The following OTOP3 variants were observed in gnomAD, a reference collection of about 807,000 sequenced individuals.
OTOP3 encodes the protein otopetrin 3.
Under a neutral mutation model 50.8 loss-of-function variants are expected in OTOP3, and 41 were observed. The ratio of observed to expected loss-of-function variants is 0.81; its 90% CI spans 0.63 to 1.05. The LOEUF is 1.05. Ranked by LOEUF, OTOP3 falls within the 50% of genes least tolerant of loss-of-function variation. The probability of loss-of-function intolerance (pLI) is 0.00; values close to 1 mark genes in which losing one functional copy is unlikely to be tolerated. For missense variants in OTOP3, 788 were observed against 760.8 expected, an observed-to-expected ratio of 1.04 and a Z score of -0.42; for synonymous variants, 320 against 324.4, an observed-to-expected ratio of 0.99 and a Z score of 0.14.
rs754439446 is a variant in OTOP3, at chr17:74,946,847, C to A, written c.938C>A (p.Pro313His). 7 of 1,610,898 alleles carry A rather than the reference C, an allele frequency of 4.3e-6. No individual in the cohort carries two copies. Among genetic ancestry groups the A allele is most frequent in the Non-Finnish European group, 5.9e-6 (7 of 1,180,026 alleles). The change falls in exon 6 of 7, where the codon CCC (proline) becomes CAC (histidine). Residue 313 changes from proline to histidine, a missense_variant. Transcript: ENST00000328801. Reference sequence around the variant, plus strand: ...ATGGGTGCCCACCCTGCCACCGCACCCTTCCACCTGCACGGGGCCATCTTC... The same window carrying A: ...ATGGGTGCCCACCCTGCCACCGCACACTTCCACCTGCACGGGGCCATCTTC... The part of the protein sequence containing the change: ...PHMGAHPATA[P>H]FHLHGAIFGP...
intron 1 of OTOP3, among the ~76,000 whole-genome samples, chr17:74,939,318 T>A (rs1396204611): frequency 1.3e-5 from 2 of 152,092 alleles, no homozygotes; most frequent in Non-Finnish European, 2.9e-5. Context: ...GATGTCACTC[T>A]GAGATTGTGA....
intron 1 of OTOP3, among the ~76,000 whole-genome samples, chr17:74,937,503 T>C (rs1020060923): frequency 6.6e-6 from 1 of 151,952 alleles, no homozygotes; most frequent in Admixed American, 6.6e-5. Flanking sequence ...AGTAGAGCAG[T>C]TACAGTTGGG....
At position 74,941,725 on chromosome 17, in the gene OTOP3, C is replaced by G. The variant is rs1196766803; in HGVS notation, c.352C>G (p.Leu118Val). ...ATLKVLSLLW[L>V]LYYVASTTRR... is the part of the protein sequence containing the mutation. ...GCTGAAGGTCCTCTCCCTGCTTTGG[C>G]TTCTCTACTATGTGGCAAGCACCAC... Residue 118 changes from leucine to valine, a missense_variant, in exon 2 of 7, where the codon CTT becomes GTT. Physicochemically the swap from Leu to Val is conservative, Grantham distance 32. Coordinates refer to ENST00000328801, the MANE Select transcript of OTOP3 (RefSeq NM_001272005.2). 1.2e-6 allele frequency: 2 copies of G among 1,614,072 alleles called. No homozygotes were observed. The highest frequency in any genetic ancestry group is 1.7e-6 in the Non-Finnish European group (2 of 1,180,000).
At chr17:74,943,151 G>A in intron 3 of OTOP3, 135 bp from the exon 4 acceptor site, 1 of 789,586 alleles carries the variant, frequency 1.3e-6, no homozygotes, top group Middle Eastern at 2.8e-4. Context: ...ACAGCAAGAA[G>A]CAGTAGAGCC....
At chr17:74,945,238 G>T (rs770808596) in intron 5 of OTOP3, among the ~76,000 whole-genome samples, 3 of 152,182 alleles carry the variant, frequency 2.0e-5, no homozygotes, top group African/African-American at 7.2e-5. Flanking sequence ...TTATAGGCAT[G>T]AGCCACCATG....
chr17:74,943,216 GC>G (rs1483836194), intron 3 of OTOP3, 69 bp from the exon 4 acceptor site: 22 of 1,357,498 alleles, frequency 1.6e-5, no homozygotes, highest in African/African-American at 2.9e-5. Flanking sequence ...ACACGCATGC[GC>G]CCCAGGAACT....
At chr17:74,941,267 A>C in intron 1 of OTOP3, 126 bp from the exon 2 acceptor site, 1 of 1,022,264 alleles carries the variant, frequency 9.8e-7, no homozygotes, top group Non-Finnish European at 1.3e-6. Context: ...TATTAGTTCC[A>C]ATGTCCCAAC....
chr17:74,948,997 T>C (rs1598609683), intron 6 of OTOP3, among the ~76,000 whole-genome samples: 1 of 152,200 alleles, frequency 6.6e-6, no homozygotes, highest in East Asian at 1.9e-4. Context: ...TCCTGACCCA[T>C]CTGAAGTTCA....
At chr17:74,943,580 T>C in intron 4 of OTOP3, 26 bp from the exon 5 acceptor site, 1 of 1,606,862 alleles carries the variant, frequency 6.2e-7, no homozygotes, top group Non-Finnish European at 8.5e-7. Context: ...CCAGGGTGTG[T>C]GAGAAGAGTG....
In OTOP3 at chr17:74,943,216, G is replaced by A. The variant is rs372356627; in HGVS notation, c.574-70G>A. ...TCTTTCACTGTAAATACACGCATGC[G>A]CCCCAGGAACTCACACTGTGGTCCC... On this transcript the variant is annotated intron_variant, in intron 3 of 6. Coordinates refer to ENST00000328801, the MANE Select transcript of OTOP3 (RefSeq NM_001272005.2). 128 of 1,357,608 alleles carry A rather than the reference G, an allele frequency of 9.4e-5. 1 individual carries two copies. In the South Asian group the frequency reaches 9.9e-4, roughly 11 times the overall value. 84.1% of individuals were successfully genotyped at this position (1,357,608 alleles called of 1,614,324 possible).
rs1239666298 is a variant in OTOP3 at position 74,947,243 on chromosome 17, C to T, written c.1334C>T (p.Ala445Val). ...YSLLLILQHIAQNLFIIEGLH... is the reference protein window; with the variant it reads ...YSLLLILQHIVQNLFIIEGLH... Reference sequence around the variant, plus strand: ...CTGCTGCTCATCCTGCAGCACATCGCTCAGAACCTCTTCATCATCGAGGGC... The same window carrying T: ...CTGCTGCTCATCCTGCAGCACATCGTTCAGAACCTCTTCATCATCGAGGGC... Residue 445 changes from alanine (A) to valine (V), a missense_variant, in exon 6 of 7, where the codon GCT becomes GTT. Ala to Val is a moderately conservative substitution (Grantham distance 64). Coordinates refer to ENST00000328801, the MANE Select transcript of OTOP3 (RefSeq NM_001272005.2). The T allele has an allele frequency of 1.9e-6, 3 of 1,613,972 alleles. No individual in the cohort carries two copies. In the South Asian group the frequency reaches 3.3e-5, roughly 18 times the overall value.
chr17:74,941,334 C>T (rs2039169830), intron 1 of OTOP3, 59 bp from the exon 2 acceptor site: 7 of 1,436,120 alleles, frequency 4.9e-6, no homozygotes, highest in Non-Finnish European at 6.4e-6. Context: ...TTAGGGGCAG[C>T]GTGGACTTGA....
chr17:74,938,327 T>G (rs1033270343), intron 1 of OTOP3, among the ~76,000 whole-genome samples: 1 of 151,922 alleles, frequency 6.6e-6, no homozygotes, highest in African/African-American at 2.4e-5. Flanking sequence ...CTGAAGCTCC[T>G]GAAGCCTGGG....
rs1407940898 is a variant in OTOP3 at position 74,941,571 on chromosome 17, G to A, written c.198G>A (p.Gln66=). Residue 66 remains glutamine (Q), a synonymous_variant, in exon 2 of 7, where the codon CAG becomes CAA. Coordinates refer to ENST00000328801, the MANE Select transcript of OTOP3 (RefSeq NM_001272005.2). The stretch of plus-strand genomic sequence containing the variant: ...TGCTGCGGCGGGACCGGCAGGCCCA[G>A]AAGGCTGGACAACTCTTCTCGGGGC... The part of the protein sequence containing the change: ...SLLLRRDRQA[Q]KAGQLFSGLL... The A allele has an allele frequency of 1.2e-6, 2 of 1,611,688 alleles. No homozygotes were observed. The highest frequency in any genetic ancestry group is 4.5e-5 in the East Asian group (2 of 44,862).
At chr17:74,939,137 G>A (rs1297617667) in intron 1 of OTOP3, among the ~76,000 whole-genome samples, 1 of 152,174 alleles carries the variant, frequency 6.6e-6, no homozygotes, top group African/African-American at 2.4e-5. Context: ...TGGTGCCACT[G>A]CACTCCAGGC....
intron 3 of OTOP3, 135 bp downstream of exon 3, chr17:74,942,172 C>A: frequency 9.2e-7 from 1 of 1,089,668 alleles, no homozygotes; most frequent in Non-Finnish European, 1.3e-6. Flanking sequence ...TTTGCACACA[C>A]ACCACACCCC....
intron 6 of OTOP3, among the ~76,000 whole-genome samples, chr17:74,948,303 C>T (rs1380235118): frequency 6.6e-6 from 1 of 152,102 alleles, no homozygotes; most frequent in Non-Finnish European, 1.5e-5. Context: ...GGAGGAGGAT[C>T]CCTTGAGCCC....
rs768147406 is a variant in OTOP3 at position 74,938,435 on chromosome 17, G to A, written c.19+2495G>A. Among the ~76,000 whole-genome samples, 34 of 152,280 alleles carry A rather than the reference G, an allele frequency of 2.2e-4. 1 individual carries two copies. Among genetic ancestry groups the A allele is most frequent in the Non-Finnish European group, 3.7e-4 (25 of 68,032 alleles). On this transcript the variant is annotated intron_variant, in intron 1 of 6. Coordinates refer to ENST00000328801, the MANE Select transcript of OTOP3 (RefSeq NM_001272005.2). ...GTGGGAATGCTGACGAGGGAAGGCC[G>A]CAGAGAGGAGGCAGGGTCTCTGCCG...
At position 74,941,468 on chromosome 17, in the gene OTOP3, T is replaced by G. The variant is rs758185541; in HGVS notation, c.95T>G (p.Val32Gly). Reference sequence around the variant, plus strand: ...GCAGCCCCGGAGAAGGAGAACCGAGTGGATGTGGGGGCCGAGGAGAGAGCG... The same window carrying G: ...GCAGCCCCGGAGAAGGAGAACCGAGGGGATGTGGGGGCCGAGGAGAGAGCG... ...TEAAPEKENR[V>G]DVGAEERAAA... The change falls in exon 2 of 7, where the codon GTG becomes GGG. Residue 32 changes from valine (V) to glycine (G), a missense_variant. Physicochemically the swap from Val to Gly is moderately radical, Grantham distance 109 (BLOSUM62 -3). Coordinates refer to ENST00000328801, the MANE Select transcript of OTOP3 (RefSeq NM_001272005.2). 5.6e-6 allele frequency: 9 copies of G among 1,604,484 alleles called. No individual in the cohort carries two copies. Among genetic ancestry groups the G allele is most frequent in the Non-Finnish European group, 7.7e-6 (9 of 1,174,830 alleles).
Sources: allele counts gnomAD v4.1 joint callset (sites outside exome capture counted in the v4.1 genomes callset), GRCh38; gene constraint gnomAD v4.1.1; transcripts MANE v1.5; gene names NCBI Gene and HGNC (gene_info 2026-07-23, HGNC 2026-07-21).